The following CACNA1C variants were observed in gnomAD, a reference collection of about 807,000 sequenced individuals.
The protein encoded by CACNA1C is calcium voltage-gated channel subunit alpha1 C.
CACNA1C carries 30 observed loss-of-function variants against 229.0 expected under a neutral mutation model. The observed-to-expected ratio is 0.13, with a 90% CI of 0.10 to 0.18. The LOEUF is 0.18. Ranked by LOEUF, CACNA1C falls within the 10% of genes least tolerant of loss-of-function variation. The pLI is 1.00. For missense variants in CACNA1C, 1,658 were observed against 2,845.0 expected, an observed-to-expected ratio of 0.58 and a Z score of 9.49; for synonymous variants, 1,114 against 1,132.5, an observed-to-expected ratio of 0.98 and a Z score of 0.33.
chr12:2,490,059 T>C (rs2099711800), intron 6 of CACNA1C, among the ~76,000 whole-genome samples: 1 of 152,288 alleles, frequency 6.6e-6, no homozygotes, highest in Admixed American at 6.5e-5. Context: ...TAGCGCTTTT[T>C]ATAGATACCT....
chr12:1,973,113 C>T (rs1255545486), intron 1 of CACNA1C, among the ~76,000 whole-genome samples: 1 of 152,222 alleles, frequency 6.6e-6, no homozygotes, highest in Non-Finnish European at 1.5e-5. Context: ...GTTAGCTTTA[C>T]TGACCAAACA....
At position 2,354,050 on chromosome 12, in the gene CACNA1C, C is replaced by G. The variant is rs562001676; in HGVS notation, c.478-94926C>G. Among the ~76,000 whole-genome samples the G allele has an allele frequency of 4.6e-5, 7 of 152,334 alleles. No individual in the cohort carries two copies. Among genetic ancestry groups the G allele is most frequent in the African/African-American group, 1.4e-4 (6 of 41,578 alleles). On this transcript the variant is annotated intron_variant, in intron 3 of 46. Transcript: ENST00000399655. This position sits in a 1 kb window ranked among gnomAD's most constrained non-coding sequence, Gnocchi z 4.6. The stretch of plus-strand genomic sequence containing the variant: ...GAGACAAATGCCTGCCCAGCGACCA[C>G]TGCAGGGTCCCGGGAGCTGGGTGAA...
chr12:2,455,587 T>A (rs1488416196), intron 4 of CACNA1C, among the ~76,000 whole-genome samples: 1 of 152,338 alleles, frequency 6.6e-6, no homozygotes, highest in East Asian at 1.9e-4. Context: ...AGATTTCTGT[T>A]GGCCAGGGCT....
intron 37 of CACNA1C, 73 bp from the exon 38 acceptor site, chr12:2,668,858 ACT>A: frequency 3.2e-6 from 3 of 943,588 alleles, no homozygotes; most frequent in Non-Finnish European, 1.7e-6. Flanking sequence ...AAACCATATC[ACT>A]CTGCCACGGT....
chr12:2,080,525 C>T (rs373075646), intron 1 of CACNA1C, among the ~76,000 whole-genome samples: 1 of 151,106 alleles, frequency 6.6e-6, no homozygotes, highest in South Asian at 2.1e-4. Flanking sequence ...GGCATGAACC[C>T]GGGAGGCGGA....
Position 2,608,332 on chromosome 12 carries a change from CAG to C in CACNA1C, c.3357-174_3357-173del, listed in dbSNP as rs1382840757. ...ATTTACAGATGAAGAATCTGAGTCT[CAG>C]AGAGGTTAAACGCTTTGCCCAAGGT... is the stretch of plus-strand genomic sequence containing the variant. On this transcript the variant is annotated intron_variant, in intron 26 of 46. Coordinates refer to ENST00000399655, the MANE Select transcript of CACNA1C (RefSeq NM_000719.7). This position sits in a 1 kb window ranked among gnomAD's most constrained non-coding sequence, Gnocchi z 4.2. 6.6e-6 allele frequency among the ~76,000 whole-genome samples: 1 copy of C among 152,214 alleles called. No homozygotes were observed. The highest frequency in any genetic ancestry group is 2.4e-5 in the African/African-American group (1 of 41,446).
intron 3 of CACNA1C, among the ~76,000 whole-genome samples, chr12:2,295,902 A>G (rs2093993778): frequency 6.6e-6 from 1 of 152,214 alleles, no homozygotes; most frequent in African/African-American, 2.4e-5. Context: ...CCCAGATCGC[A>G]TGGGATTTTT....
rs755967105 is a variant in CACNA1C at position 2,666,625 on chromosome 12, G to A, written c.4527-61G>A. ...CCTACCCCTCAGGCGCATGCGTCCT[G>A]GGCTGCTGGCAGAGACCGTGGCTCT... On this transcript the variant is annotated intron_variant, in intron 36 of 46. Coordinates refer to ENST00000399655, the MANE Select transcript of CACNA1C (RefSeq NM_000719.7). This position sits in a 1 kb window ranked among gnomAD's most constrained non-coding sequence, Gnocchi z 5.3. 1.8e-6 allele frequency: 2 copies of A among 1,105,132 alleles called. No homozygotes were observed. Among genetic ancestry groups the A allele is most frequent in the Admixed American group, 2.0e-5 (1 of 50,106 alleles). The allele number at this position is 1,105,132 out of a possible 1,614,324, so 68.5% of individuals were successfully genotyped here. A position where few individuals can be genotyped will look rare whatever the true frequency, so the allele number is the denominator to read the frequency against.
At chr12:2,418,168 C>T (rs2098935278) in intron 3 of CACNA1C, among the ~76,000 whole-genome samples, 1 of 152,182 alleles carries the variant, frequency 6.6e-6, no homozygotes, top group Non-Finnish European at 1.5e-5. Flanking sequence ...AGCATTACGG[C>T]AGGCATCTCC....
At chr12:2,406,454 T>C (rs1357037039) in intron 3 of CACNA1C, among the ~76,000 whole-genome samples, 1 of 152,246 alleles carries the variant, frequency 6.6e-6, no homozygotes, top group Non-Finnish European at 1.5e-5. Context: ...AAGATTATTT[T>C]CTCTCCATTC....
At chr12:2,309,656 T>C (rs913366949) in intron 3 of CACNA1C, among the ~76,000 whole-genome samples, 40 of 152,316 alleles carry the variant, frequency 2.6e-4, no homozygotes, top group Middle Eastern at 3.4e-3. Context: ...CTGTAAACTA[T>C]AGCTATATTT....
intron 3 of CACNA1C, among the ~76,000 whole-genome samples, chr12:2,267,036 G>T (rs1358367196): frequency 6.6e-6 from 1 of 152,142 alleles, no homozygotes; most frequent in Non-Finnish European, 1.5e-5. Flanking sequence ...ATAAAATGTA[G>T]CCGGATTTGT....
exon 1 of CACNA1C, chr12:1,970,959 C>T: frequency 1.7e-6 from 1 of 586,526 alleles, no homozygotes; most frequent in South Asian, 2.3e-5. Flanking sequence ...TGAAATGTTA[C>T]TGCAGGAATA....
chr12:2,486,157 A>G lies in CACNA1C; in HGVS notation c.811A>G (p.Ile271Val). ...IIKAMVPLLHIALLVLFVIII... is the reference protein window; with the variant it reads ...IIKAMVPLLHVALLVLFVIII... ...CAAGGCCATGGTCCCCCTGCTGCACATCGCCCTGCTTGTGCTGTTTGTCAT... is the reference window on the plus strand; with the variant it reads ...CAAGGCCATGGTCCCCCTGCTGCACGTCGCCCTGCTTGTGCTGTTTGTCAT... The change falls in exon 6 of 47, where the codon ATC (isoleucine) becomes GTC (valine). Residue 271 changes from isoleucine (I) to valine (V), a missense_variant. Physicochemically the swap from Ile to Val is conservative, Grantham distance 29. Transcript: ENST00000399655. The surrounding 1 kb of genome is among the most constrained non-coding windows in gnomAD (Gnocchi z 4.9). 3 of 1,613,464 alleles carry G rather than the reference A, an allele frequency of 1.9e-6. 1 individual carries two copies. The highest frequency in any genetic ancestry group is 2.2e-5 in the East Asian group (1 of 44,856).
chr12:2,572,001 T>G (rs928857715), intron 13 of CACNA1C, among the ~76,000 whole-genome samples: 10 of 152,000 alleles, frequency 6.6e-5, no homozygotes, highest in Non-Finnish European at 1.0e-4. Flanking sequence ...CTTTGCAATG[T>G]CTTGCTGCTA....
Position 2,677,381 on chromosome 12 carries a change from G to A in CACNA1C, c.4956+160G>A, listed in dbSNP as rs2096876279. On this transcript the variant is annotated intron_variant, in intron 40 of 46. Coordinates refer to ENST00000399655, the MANE Select transcript of CACNA1C (RefSeq NM_000719.7). This position sits in a 1 kb window ranked among gnomAD's most constrained non-coding sequence, Gnocchi z 7.4. ...ACCTTTCCAAAGATGGCTGTGAGAA[G>A]GGGGTGATGTGCCCTTCCCTACCTG... 2 of 790,598 alleles carry A rather than the reference G, an allele frequency of 2.5e-6. No individual in the cohort carries two copies. The highest frequency in any genetic ancestry group is 3.5e-5 in the African/African-American group (2 of 57,416). The allele number at this position is 790,598 out of a possible 1,614,324, so 49.0% of individuals were successfully genotyped here.
intron 3 of CACNA1C, among the ~76,000 whole-genome samples, chr12:2,399,652 T>G (rs1418086311): frequency 3.9e-5 from 6 of 152,238 alleles, no homozygotes; most frequent in Admixed American, 3.3e-4. Context: ...CCAGCGGAGC[T>G]TGGGGTTTTC....
At chr12:2,561,509 A>G (rs530151236) in intron 11 of CACNA1C, among the ~76,000 whole-genome samples, 2 of 152,364 alleles carry the variant, frequency 1.3e-5, no homozygotes, top group East Asian at 3.9e-4. Context: ...GCAGACAGTA[A>G]GCGCTGAAGA....
intron 34 of CACNA1C, chr12:2,660,561 C>G (rs2153690347): frequency 6.6e-6 from 1 of 152,008 alleles, no homozygotes; most frequent in South Asian, 2.1e-4. Flanking sequence ...TGCGGTGGCT[C>G]ACACCTGTAA....
Sources: allele counts gnomAD v4.1 joint callset (sites outside exome capture counted in the v4.1 genomes callset), GRCh38; gene constraint gnomAD v4.1.1; non-coding constraint Gnocchi (gnomAD v3.1); transcripts MANE v1.5; gene names NCBI Gene and HGNC (gene_info 2026-07-23, HGNC 2026-07-21).